The following INTS2 variants were observed in gnomAD, a reference collection of about 807,000 sequenced individuals.
INTS2 encodes the protein KIAA1287.
Under a neutral mutation model 139.6 loss-of-function variants are expected in INTS2, and 57 were observed. The observed-to-expected ratio is 0.41, with a 90% CI of 0.33 to 0.51. The LOEUF (loss-of-function observed/expected upper bound fraction) is 0.51, where lower values mean the gene tolerates loss of function less well. Ranked by LOEUF, INTS2 falls within the 20% of genes least tolerant of loss-of-function variation. The probability of loss-of-function intolerance (pLI) is 0.28; values close to 1 mark genes in which losing one functional copy is unlikely to be tolerated. For synonymous variants in INTS2, 473 were observed against 493.4 expected, an observed-to-expected ratio of 0.96 and a Z score of 0.55; for missense variants, 1,196 against 1,436.7, an observed-to-expected ratio of 0.83 and a Z score of 2.71.
intron 15 of INTS2, among the ~76,000 whole-genome samples, chr17:61,885,723 A>ATTTTTTTT (rs1306536844): frequency 2.3e-5 from 2 of 87,204 alleles, no homozygotes; most frequent in African/African-American, 5.4e-5. Context: ...GGCCCGGCCA[A>ATTTTTTTT]TTTTTTTTTT....
intron 9 of INTS2, among the ~76,000 whole-genome samples, chr17:61,902,034 C>A (rs1603379102): frequency 6.6e-6 from 1 of 152,114 alleles, no homozygotes; most frequent in Non-Finnish European, 1.5e-5. Context: ...AAATAATTTC[C>A]TTTCAGGACT....
In INTS2 at chr17:61,927,775, C is replaced by G; in HGVS notation, c.-140G>C. ...CCTAGGCGATATCCGGAACCCCAAA[C>G]CCTAGTTGTGCCTCGAGTCGACTCG... On this transcript the variant is annotated 5_prime_UTR_variant, in exon 1 of 25. Coordinates refer to ENST00000251334, the MANE Select transcript of INTS2 (RefSeq NM_001351695.2). 6.3e-7 allele frequency: 1 copy of G among 1,583,382 alleles called. No individual in the cohort carries two copies. Among genetic ancestry groups the G allele is most frequent in the Non-Finnish European group, 8.6e-7 (1 of 1,165,200 alleles).
rs938068712 is a variant in INTS2, at chr17:61,868,888, C to T, written c.3244+146G>A. 1.5e-4 allele frequency: 81 copies of T among 541,342 alleles called. No individual in the cohort carries two copies. The highest frequency in any genetic ancestry group is 1.0e-3 in the South Asian group (38 of 37,260). The allele number at this position is 541,342 out of a possible 1,614,324, so 33.5% of individuals were successfully genotyped here. ...GTTTCCAAAAGAAGAATTCAAAAGA[C>T]GGCATAAGTTAAACTAGTATTTAAC... On this transcript the variant is annotated intron_variant, in intron 23 of 24. Transcript: ENST00000251334. This position sits in a 1 kb window ranked among gnomAD's most constrained non-coding sequence, Gnocchi z 4.7.
At chr17:61,890,420 G>A (rs372930817) in intron 14 of INTS2, among the ~76,000 whole-genome samples, 1 of 150,690 alleles carries the variant, frequency 6.6e-6, no homozygotes, top group East Asian at 2.0e-4. Flanking sequence ...AGACCAGCTG[G>A]CCAACATAGT....
intron 4 of INTS2, chr17:61,921,357 GTATTT>G (rs1296590065): frequency 1.3e-5 from 2 of 153,538 alleles, no homozygotes; most frequent in African/African-American, 2.4e-5. Flanking sequence ...AAAAAAATAA[GTATTT>G]TATTTTAATT....
At chr17:61,911,459 T>C in intron 7 of INTS2, 61 bp downstream of exon 7, 2 of 1,411,506 alleles carry the variant, frequency 1.4e-6, no homozygotes, top group Non-Finnish European at 1.9e-6. Flanking sequence ...AATGTTTCTT[T>C]CTCTTTTAGC....
At position 61,914,437 on chromosome 17, in the gene INTS2, C is replaced by A. The variant is rs547116971; in HGVS notation, c.650-2367G>T. 2.0e-5 allele frequency among the ~76,000 whole-genome samples: 3 copies of A among 152,146 alleles called. No individual in the cohort carries two copies. The South Asian group carries it at 6.2e-4, about 32-fold the overall frequency. The stretch of plus-strand genomic sequence containing the variant: ...TGGGCGCGCCAGGTGCAGTGGCTCA[C>A]GCCTATAATCCCAGCACTTTGGGAG... On this transcript the variant is annotated intron_variant, in intron 5 of 24. Coordinates refer to ENST00000251334, the MANE Select transcript of INTS2 (RefSeq NM_001351695.2).
At position 61,872,532 on chromosome 17, in the gene INTS2, C is replaced by A. The variant is rs2079097774; in HGVS notation, c.2583-72G>T. On this transcript the variant is annotated intron_variant, in intron 19 of 24. Coordinates refer to ENST00000251334, the MANE Select transcript of INTS2 (RefSeq NM_001351695.2). This position sits in a 1 kb window ranked among gnomAD's most constrained non-coding sequence, Gnocchi z 4.8. ...ATTTATAAATTAGCCAGAACATGAT[C>A]AATTTAGTTTAAATGCTGAGAAAAA... is the stretch of plus-strand genomic sequence containing the variant. 1.9e-6 allele frequency: 2 copies of A among 1,050,394 alleles called. No individual in the cohort carries two copies. The highest frequency in any genetic ancestry group is 2.6e-5 in the East Asian group (1 of 38,202). The allele number at this position is 1,050,394 out of a possible 1,614,324, so 65.1% of individuals were successfully genotyped here.
At chr17:61,899,033 T>C (rs1003598938) in intron 9 of INTS2, among the ~76,000 whole-genome samples, 3 of 152,250 alleles carry the variant, frequency 2.0e-5, no homozygotes, top group African/African-American at 7.2e-5. Context: ...GTATAATTCT[T>C]CTATTACCAA....
At chr17:61,900,902 G>A (rs2079398314) in intron 9 of INTS2, among the ~76,000 whole-genome samples, 1 of 149,160 alleles carries the variant, frequency 6.7e-6, no homozygotes, top group South Asian at 2.1e-4. Context: ...AGGTTGCGGT[G>A]AGCCGAGATC....
At chr17:61,914,609 G>A (rs866566424) in intron 5 of INTS2, among the ~76,000 whole-genome samples, 4 of 151,352 alleles carry the variant, frequency 2.6e-5, no homozygotes, top group East Asian at 2.0e-4. Flanking sequence ...AGGCTGAGGC[G>A]GGAGAATGGC....
chr17:61,915,327 G>T (rs1459391634), intron 5 of INTS2, among the ~76,000 whole-genome samples: 3 of 143,550 alleles, frequency 2.1e-5, no homozygotes, highest in Non-Finnish European at 3.0e-5. Flanking sequence ...GACAGAGCAA[G>T]ACTCCGTCTC....
chr17:61,881,235 C>A (rs1221588456), intron 16 of INTS2, 64 bp from the exon 17 acceptor site: 1 of 1,273,688 alleles, frequency 7.9e-7, no homozygotes, highest in Non-Finnish European at 1.1e-6. Context: ...TTCCCCACCC[C>A]TCTCATTTTT....
In INTS2 at chr17:61,867,881, C is replaced by T. The variant is rs1336662665; in HGVS notation, c.3373G>A (p.Ala1125Thr). 5.0e-6 allele frequency: 8 copies of T among 1,609,188 alleles called. No individual in the cohort carries two copies. The highest frequency in any genetic ancestry group is 6.8e-6 in the Non-Finnish European group (8 of 1,178,502). The change falls in exon 24 of 25, where the codon GCC becomes ACC. Residue 1125 changes from alanine to threonine, a missense_variant. Coordinates refer to ENST00000251334, the MANE Select transcript of INTS2 (RefSeq NM_001351695.2). The surrounding 1 kb of genome is among the most constrained non-coding windows in gnomAD (Gnocchi z 5.6). The part of the protein sequence containing the change: ...SLLIQIGQVC[A>T]SDVATQTRDI... ...CTTGTCTGAGTGGCAACATCAGAGG[C>T]ACAAACTTGCCCTATTTGGATCAGC... is the stretch of plus-strand genomic sequence containing the variant.
intron 6 of INTS2, 121 bp downstream of exon 6, chr17:61,911,819 A>G: frequency 7.1e-7 from 1 of 1,400,722 alleles, no homozygotes; most frequent in South Asian, 1.4e-5. Flanking sequence ...CCAGAGAGGA[A>G]GGTAACATAT....
In INTS2 at chr17:61,897,826, A is replaced by G; in HGVS notation, c.1308-87T>C. Reference sequence around the variant, plus strand: ...AGCATTCTGAAGTTATTTTTGGTAGAAATTATTTTTCCTGCCCTATTTTCA... The same window carrying G: ...AGCATTCTGAAGTTATTTTTGGTAGGAATTATTTTTCCTGCCCTATTTTCA... On this transcript the variant is annotated intron_variant, in intron 9 of 24. Transcript: ENST00000251334. This position sits in a 1 kb window ranked among gnomAD's most constrained non-coding sequence, Gnocchi z 4.4. The G allele has an allele frequency of 1.0e-6, 1 of 981,942 alleles. No individual in the cohort carries two copies. Among genetic ancestry groups the G allele is most frequent in the Admixed American group, 2.5e-5 (1 of 40,152 alleles). 60.8% of individuals were successfully genotyped at this position (981,942 alleles called of 1,614,324 possible). A position where few individuals can be genotyped will look rare whatever the true frequency, so the allele number is the denominator to read the frequency against.
intron 17 of INTS2, among the ~76,000 whole-genome samples, chr17:61,880,788 G>A (rs376824736): frequency 7.2e-6 from 1 of 139,170 alleles, no homozygotes; most frequent in East Asian, 2.3e-4. Flanking sequence ...GGGGAAAGGG[G>A]GAAAGGAGTA....
intron 3 of INTS2, among the ~76,000 whole-genome samples, chr17:61,923,820 T>C (rs187062890): frequency 2.2e-4 from 34 of 152,186 alleles, no homozygotes; most frequent in Non-Finnish European, 3.5e-4. Context: ...TCCTGGCTAA[T>C]TTTGTATTTT....
chr17:61,924,929 C>T (rs377504528), intron 3 of INTS2, 32 bp downstream of exon 3: 28 of 1,600,412 alleles, frequency 1.7e-5, no homozygotes, highest in Non-Finnish European at 2.2e-5. Context: ...TCAAATCATG[C>T]ATACTTTGAG....
Sources: gnomAD v4.1 joint callset for allele counts (sites outside exome capture counted in the v4.1 genomes callset) on GRCh38, gnomAD v4.1.1 for gene constraint, Gnocchi (gnomAD v3.1) non-coding constraint, MANE v1.5 for transcripts, NCBI Gene and HGNC (gene_info 2026-07-23, HGNC 2026-07-21) for gene names.